SRGAP3: variants seen among roughly 807,000 people sequenced by gnomAD.
The protein encoded by SRGAP3 is SLIT-ROBO Rho GTPase-activating protein 3.
A neutral mutation model predicts 121.1 loss-of-function variants in SRGAP3; 39 were observed. That is an observed-to-expected ratio of 0.32 (90% CI 0.25 to 0.42). SRGAP3 has a LOEUF of 0.42. SRGAP3 is among the 10% of genes least tolerant of loss of function. The probability of loss-of-function intolerance (pLI) is 1.00; values close to 1 mark genes in which losing one functional copy is unlikely to be tolerated. For missense variants in SRGAP3, 1,213 were observed against 1,470.6 expected (o/e 0.82, Z 2.86); for synonymous variants, 601 against 570.0 (o/e 1.05, Z -0.77).
intron 1 of SRGAP3, among the ~76,000 whole-genome samples, chr3:9,209,790 G>T (rs962951305): frequency 6.6e-6 from 1 of 152,194 alleles, no homozygotes; most frequent in Non-Finnish European, 1.5e-5. Context: ...TGGAACTGTA[G>T]CTAGGCACTC....
At chr3:9,170,829 C>G (rs754686940) in intron 1 of SRGAP3, among the ~76,000 whole-genome samples, 9 of 152,324 alleles carry the variant, frequency 5.9e-5, no homozygotes, top group Non-Finnish European at 1.3e-4. Context: ...CTCCTCTCCC[C>G]CAAGCCCTTC....
Position 9,175,001 on chromosome 3 carries a change from C to T in SRGAP3, c.68-50084G>A, listed in dbSNP as rs1482172548. 2.0e-5 allele frequency among the ~76,000 whole-genome samples: 3 copies of T among 152,260 alleles called. No homozygotes were observed. The East Asian group carries it at 5.8e-4, about 29-fold the overall frequency. ...GTGTGCAGGAGTGGGGGTGATAGCA[C>T]TCAGTGCATGCAGGCACTGCTGGGC... On this transcript the variant is annotated intron_variant, in intron 1 of 21. Coordinates refer to ENST00000383836, the MANE Select transcript of SRGAP3 (RefSeq NM_014850.4).
chr3:9,013,908 T>C (rs895341817), intron 15 of SRGAP3, 66 bp from the exon 16 acceptor site: 1 of 1,464,456 alleles, frequency 6.8e-7, no homozygotes, highest in African/African-American at 1.4e-5. Flanking sequence ...AAACATTCGC[T>C]CGCCACATCT....
At chr3:9,161,126 C>T (rs970859106) in intron 1 of SRGAP3, among the ~76,000 whole-genome samples, 1 of 152,172 alleles carries the variant, frequency 6.6e-6, no homozygotes, top group African/African-American at 2.4e-5. Flanking sequence ...TTTATGCAGT[C>T]TCAAAGGAGT....
intron 17 of SRGAP3, among the ~76,000 whole-genome samples, chr3:9,011,633 C>T (rs1426194442): frequency 6.6e-6 from 1 of 152,214 alleles, no homozygotes; most frequent in Non-Finnish European, 1.5e-5. Flanking sequence ...CTCAGGGAGC[C>T]CCACTTCTGG....
intron 1 of SRGAP3, among the ~76,000 whole-genome samples, chr3:9,180,168 G>T (rs1167074920): frequency 6.6e-6 from 1 of 152,236 alleles, no homozygotes; most frequent in African/African-American, 2.4e-5. Flanking sequence ...TGTGGCCTGG[G>T]GAGGACACAT....
At chr3:9,358,722 C>A (rs1202667803) in intron 1 of SRGAP3, among the ~76,000 whole-genome samples, 2 of 152,312 alleles carry the variant, frequency 1.3e-5, no homozygotes, top group African/African-American at 2.4e-5. Context: ...GTTTCCATGA[C>A]CCCCTCTTTG....
At chr3:9,177,720 T>G (rs1445123025) in intron 1 of SRGAP3, among the ~76,000 whole-genome samples, 2 of 152,180 alleles carry the variant, frequency 1.3e-5, no homozygotes, top group African/African-American at 4.8e-5. Context: ...GCATCAACAC[T>G]TGAGTGTTTC....
chr3:9,053,656 A>G (rs1945689249), intron 8 of SRGAP3, among the ~76,000 whole-genome samples: 1 of 152,230 alleles, frequency 6.6e-6, no homozygotes, highest in Admixed American at 6.5e-5. Flanking sequence ...AAAGTTGACA[A>G]TGGTGGGCAG....
At chr3:9,320,103 C>T (rs563812809) in intron 3 of SRGAP3, among the ~76,000 whole-genome samples, 1 of 151,946 alleles carries the variant, frequency 6.6e-6, no homozygotes, top group South Asian at 2.1e-4. Context: ...TAATCAGTGC[C>T]AATCTTGGTG....
At chr3:9,180,759 C>T (rs1021953993) in intron 1 of SRGAP3, among the ~76,000 whole-genome samples, 6 of 152,198 alleles carry the variant, frequency 3.9e-5, no homozygotes, top group African/African-American at 7.2e-5. Context: ...AATGCAGCCC[C>T]GAGAGCAGAT....
chr3:9,036,655 A>C (rs1424644735), intron 11 of SRGAP3: 1 of 152,260 alleles, frequency 6.6e-6, no homozygotes, highest in Non-Finnish European at 1.5e-5. Flanking sequence ...GTTTGATTAC[A>C]GATCTCCTCT....
At chr3:9,073,736 G>C (rs1488065359) in intron 4 of SRGAP3, among the ~76,000 whole-genome samples, 1 of 152,210 alleles carries the variant, frequency 6.6e-6, no homozygotes, top group African/African-American at 2.4e-5. Flanking sequence ...GGAGGCTCTA[G>C]TTATTCTTGA....
chr3:9,051,743 T>C (rs1945589805), intron 9 of SRGAP3, among the ~76,000 whole-genome samples: 1 of 138,714 alleles, frequency 7.2e-6, no homozygotes, highest in Non-Finnish European at 1.5e-5. Context: ...AGATGAAGTC[T>C]CGCTCTGTCA....
At chr3:9,259,632 A>G (rs1264626212) in intron 3 of SRGAP3, among the ~76,000 whole-genome samples, 2 of 152,040 alleles carry the variant, frequency 1.3e-5, no homozygotes, top group Admixed American at 1.3e-4. Flanking sequence ...TCACTTAATG[A>G]CTATTTCTGG....
At chr3:9,293,787 TA>T (rs1257815740) in intron 3 of SRGAP3, among the ~76,000 whole-genome samples, 1 of 152,128 alleles carries the variant, frequency 6.6e-6, no homozygotes, top group Non-Finnish European at 1.5e-5. Flanking sequence ...CACAATGAGA[TA>T]TCATCTCACA....
intron 1 of SRGAP3, among the ~76,000 whole-genome samples, chr3:9,180,817 C>A (rs919389482): frequency 6.6e-6 from 1 of 152,094 alleles, no homozygotes; most frequent in African/African-American, 2.4e-5. Context: ...TCAGGAGGCA[C>A]CCGCCAGCAC....
intron 3 of SRGAP3, among the ~76,000 whole-genome samples, chr3:9,299,144 C>A (rs1443601698): frequency 6.6e-6 from 1 of 150,442 alleles, no homozygotes; most frequent in African/African-American, 2.4e-5. Flanking sequence ...GGATGGATCA[C>A]GAGGTCAGGA....
intron 5 of SRGAP3, 69 bp from the exon 6 acceptor site, chr3:9,060,428 CT>C (rs59248524): frequency 0.036 from 41,675 of 1,160,604 alleles, 1 homozygote; most frequent in East Asian, 0.061. Context: ...TTTTCTATTC[CT>C]TTTTTTTTTT....
Sources: gnomAD v4.1 joint callset for allele counts (sites outside exome capture counted in the v4.1 genomes callset) on GRCh38, gnomAD v4.1.1 for gene constraint, MANE v1.5 for transcripts, NCBI Gene and HGNC (gene_info 2026-07-23, HGNC 2026-07-21) for gene names.